The following ILRUN variants were observed in gnomAD, a reference collection of about 807,000 sequenced individuals.
The protein encoded by ILRUN is protein ILRUN.
Under a neutral mutation model 33.8 loss-of-function variants are expected in ILRUN, and 3 were observed. The observed-to-expected ratio is 0.09, with a 90% CI of 0.04 to 0.23. The LOEUF is 0.23. ILRUN is among the 10% of genes least tolerant of loss of function. The probability of loss-of-function intolerance (pLI) is 1.00; values close to 1 mark genes in which losing one functional copy is unlikely to be tolerated. For missense variants in ILRUN, 210 were observed against 375.1 expected (o/e 0.56, Z 3.64); for synonymous variants, 124 against 138.9 (o/e 0.89, Z 0.75).
intron 4 of ILRUN, among the ~76,000 whole-genome samples, chr6:34,600,651 A>C (rs1761489301): frequency 6.6e-6 from 1 of 152,240 alleles, no homozygotes; most frequent in African/African-American, 2.4e-5. Flanking sequence ...CAAAAACCTA[A>C]ACCCAAGTGA....
At chr6:34,601,402 G>A (rs1761504728) in intron 4 of ILRUN, among the ~76,000 whole-genome samples, 1 of 145,114 alleles carries the variant, frequency 6.9e-6, no homozygotes, top group Admixed American at 6.8e-5. Context: ...ACCTTTCATG[G>A]AGAGGATCTG....
At chr6:34,653,510 C>T (rs1425755584) in intron 2 of ILRUN, among the ~76,000 whole-genome samples, 1 of 152,204 alleles carries the variant, frequency 6.6e-6, no homozygotes, top group Admixed American at 6.5e-5. Context: ...AGGCATGAGC[C>T]ACCATGCTCA....
At chr6:34,627,116 C>T (rs1047454266) in intron 3 of ILRUN, among the ~76,000 whole-genome samples, 2 of 152,120 alleles carry the variant, frequency 1.3e-5, no homozygotes, top group African/African-American at 2.4e-5. Context: ...TTACTGTCTC[C>T]GTAGTTTTAT....
chr6:34,624,992 A>G (rs551273742), intron 3 of ILRUN, among the ~76,000 whole-genome samples: 2 of 152,294 alleles, frequency 1.3e-5, no homozygotes, highest in Non-Finnish European at 2.9e-5. Flanking sequence ...CTCCCCATCA[A>G]TATCACAAAC....
At chr6:34,598,092 T>C (rs1761438907) in intron 4 of ILRUN, among the ~76,000 whole-genome samples, 1 of 152,216 alleles carries the variant, frequency 6.6e-6, no homozygotes, top group Admixed American at 6.5e-5. Flanking sequence ...GCTTTGAAGA[T>C]AGGGATTAGT....
At position 34,587,645 on chromosome 6, in the gene ILRUN, AGG is replaced by A. The variant is rs1409289771; in HGVS notation, c.*2918_*2919del. ...CTCAGGCCACACCAGCTGTTTGGTG[AGG>A]TTCTCTCCAGGCTGGAAGTAACTTT... is the stretch of plus-strand genomic sequence containing the variant. On this transcript the variant is annotated 3_prime_UTR_variant, in exon 5 of 5. Transcript: ENST00000374023. 2 of 158,082 alleles carry A rather than the reference AGG, an allele frequency of 1.3e-5. No homozygotes were observed. Among genetic ancestry groups the A allele is most frequent in the African/African-American group, 4.8e-5 (2 of 41,708 alleles). The allele number at this position is 158,082 out of a possible 1,614,324, so 9.8% of individuals were successfully genotyped here.
intron 1 of ILRUN, chr6:34,686,492 T>A (rs529120675): frequency 1.4e-5 from 2 of 145,598 alleles, no homozygotes; most frequent in South Asian, 2.2e-4. Flanking sequence ...AGAGTGAGAG[T>A]CCGTCTCAAA....
chr6:34,616,843 G>GC, intron 3 of ILRUN: 2 of 699,648 alleles, frequency 2.9e-6, no homozygotes, highest in Non-Finnish European at 5.3e-6. Context: ...AGGTGTTGCA[G>GC]CTTCTTTGCC....
At chr6:34,663,173 G>A (rs1316695793) in intron 1 of ILRUN, among the ~76,000 whole-genome samples, 1 of 152,190 alleles carries the variant, frequency 6.6e-6, no homozygotes, top group Non-Finnish European at 1.5e-5. Context: ...TGGAATCCCA[G>A]CACTCTGGGT....
rs568207848 is a variant in ILRUN, at chr6:34,590,588, G to C, written c.874C>G (p.Pro292Ala). The C allele has an allele frequency of 9.9e-6, 16 of 1,611,386 alleles. No homozygotes were observed. In the East Asian group the frequency reaches 2.2e-4, roughly 22 times the overall value. ...VVTYSKGLHGPYPFGQS is the reference protein window; with the variant it reads ...VVTYSKGLHGAYPFGQS ...GTTTAAGACTGGCCGAAGGGGTAAG[G>C]CCCATGGAGCCCCTGGAAGAGAGTG... The change falls in exon 5 of 5, where the codon CCT becomes GCT. Residue 292 changes from proline (P) to alanine (A), a missense_variant. Transcript: ENST00000374023.
At chr6:34,671,748 G>T (rs1372886500) in intron 1 of ILRUN, 1 of 152,190 alleles carries the variant, frequency 6.6e-6, no homozygotes, top group African/African-American at 2.4e-5. Context: ...GGGGAAAAAG[G>T]CGTGAATTCA....
intron 3 of ILRUN, among the ~76,000 whole-genome samples, chr6:34,614,443 A>AAAAAAAAAAAAAAAAATATAT (rs71000073): frequency 7.5e-6 from 1 of 133,598 alleles, no homozygotes; most frequent in African/African-American, 3.1e-5. Context: ...AAAAAAAAAA[A>AAAAAAAAAAAAAAAAATATAT]ATATATATAT....
chr6:34,649,476 A>G (rs1231590632), intron 2 of ILRUN, among the ~76,000 whole-genome samples: 2 of 152,222 alleles, frequency 1.3e-5, no homozygotes, highest in Non-Finnish European at 2.9e-5. Context: ...AAGTATCACA[A>G]TCAAGTATAT....
chr6:34,622,886 G>A (rs2127342264), intron 3 of ILRUN, among the ~76,000 whole-genome samples: 1 of 152,212 alleles, frequency 6.6e-6, no homozygotes, highest in East Asian at 1.9e-4. Flanking sequence ...ACAAAATGTA[G>A]TATATATATA....
intron 3 of ILRUN, among the ~76,000 whole-genome samples, chr6:34,645,624 A>G (rs1288505138): frequency 1.3e-5 from 2 of 152,136 alleles, no homozygotes; most frequent in African/African-American, 4.8e-5. Flanking sequence ...CTCCCACTTC[A>G]GCCTCCCAAA....
At chr6:34,606,935 C>G (rs370439242) in intron 3 of ILRUN, 31 bp from the exon 4 acceptor site, 28 of 1,549,510 alleles carry the variant, frequency 1.8e-5, no homozygotes, top group Non-Finnish European at 2.4e-5. Flanking sequence ...ATTTCAATGC[C>G]AGGCTTACCC....
intron 3 of ILRUN, chr6:34,617,396 T>C (rs1294387255): frequency 7.6e-6 from 2 of 262,392 alleles, no homozygotes; most frequent in Admixed American, 1.0e-4. Flanking sequence ...GGCAGCAGTG[T>C]GTGCATACCA....
At position 34,592,323 on chromosome 6, in the gene ILRUN, G is replaced by A. The variant is rs1212251886; in HGVS notation, c.862-1723C>T. Among the ~76,000 whole-genome samples the A allele has an allele frequency of 6.6e-6, 1 of 152,352 alleles. No individual in the cohort carries two copies. The highest frequency in any genetic ancestry group is 2.4e-5 in the African/African-American group (1 of 41,584). On this transcript the variant is annotated intron_variant, in intron 4 of 4. Coordinates refer to ENST00000374023, the MANE Select transcript of ILRUN (RefSeq NM_024294.4). This position sits in a 1 kb window ranked among gnomAD's most constrained non-coding sequence, Gnocchi z 4.0. Reference sequence around the variant, plus strand: ...CAAGCTCAGACAGGTGAGGCAACCTGATTAAGGGAGCAGCACTGGTGAGGG... The same window carrying A: ...CAAGCTCAGACAGGTGAGGCAACCTAATTAAGGGAGCAGCACTGGTGAGGG...
intron 4 of ILRUN, among the ~76,000 whole-genome samples, chr6:34,605,875 TG>T (rs1761619446): frequency 6.6e-6 from 1 of 152,168 alleles, no homozygotes. Context: ...CTCCACCACT[TG>T]AACCACCTAC....
Sources: allele counts gnomAD v4.1 joint callset (sites outside exome capture counted in the v4.1 genomes callset), GRCh38; gene constraint gnomAD v4.1.1; non-coding constraint Gnocchi (gnomAD v3.1); transcripts MANE v1.5; gene names NCBI Gene and HGNC (gene_info 2026-07-23, HGNC 2026-07-21).